The following ATRNL1 variants were observed in gnomAD, a reference collection of about 807,000 sequenced individuals.
The protein encoded by ATRNL1 is attractin-like protein 1.
ATRNL1 carries 95 observed loss-of-function variants against 182.7 expected under a neutral mutation model. The ratio of observed to expected loss-of-function variants is 0.52; its 90% confidence interval spans 0.44 to 0.62. The LOEUF (loss-of-function observed/expected upper bound fraction) is 0.62. Ranked by LOEUF, ATRNL1 falls within the 20% of genes least tolerant of loss-of-function variation. The probability of loss-of-function intolerance (pLI) is 0.00; values close to 1 mark genes in which losing one functional copy is unlikely to be tolerated. For synonymous variants in ATRNL1, 576 were observed against 568.3 expected, an observed-to-expected ratio of 1.01 and a Z score of -0.19; for missense variants, 1,471 against 1,679.5, an observed-to-expected ratio of 0.88 and a Z score of 2.17.
chr10:115,192,802 C>T (rs951615514), intron 8 of ATRNL1, among the ~76,000 whole-genome samples: 1 of 151,856 alleles, frequency 6.6e-6, no homozygotes, highest in Non-Finnish European at 1.5e-5. Context: ...TAAGTTAATT[C>T]CCAGACATTT....
chr10:115,623,917 G>T (rs552245393), intron 26 of ATRNL1, among the ~76,000 whole-genome samples: 211 of 152,124 alleles, frequency 1.4e-3, no homozygotes, highest in African/African-American at 4.7e-3. Context: ...TAGGTACAGG[G>T]CCTAGGGCTC....
At chr10:115,878,540 A>G (rs1343121519) in intron 28 of ATRNL1, among the ~76,000 whole-genome samples, 1 of 152,188 alleles carries the variant, frequency 6.6e-6, no homozygotes, top group Non-Finnish European at 1.5e-5. Context: ...GGGTAGATTA[A>G]TCTGGGGTAC....
At chr10:115,447,073 A>G (rs1847035960) in intron 21 of ATRNL1, among the ~76,000 whole-genome samples, 1 of 151,872 alleles carries the variant, frequency 6.6e-6, no homozygotes, top group South Asian at 2.1e-4. Context: ...CTATTAACAA[A>G]GTTTTCCAAA....
chr10:115,602,523 C>T (rs750458497), intron 26 of ATRNL1, among the ~76,000 whole-genome samples: 109 of 152,058 alleles, frequency 7.2e-4, no homozygotes, highest in African/African-American at 1.1e-3. Context: ...TAGTGTCAGA[C>T]GCTACAAGGT....
At chr10:115,306,047 T>C (rs1209195625) in intron 17 of ATRNL1, among the ~76,000 whole-genome samples, 1 of 152,218 alleles carries the variant, frequency 6.6e-6, no homozygotes, top group Non-Finnish European at 1.5e-5. Context: ...TTAACAACTT[T>C]CTAAAAATTA....
intron 28 of ATRNL1, among the ~76,000 whole-genome samples, chr10:115,850,868 G>T (rs989592311): frequency 2.0e-5 from 3 of 152,132 alleles, no homozygotes; most frequent in African/African-American, 7.2e-5. Flanking sequence ...CAGGTTGGGG[G>T]AGTTGAGGAG....
At chr10:115,576,720 C>T (rs781870038) in intron 26 of ATRNL1, among the ~76,000 whole-genome samples, 3 of 151,980 alleles carry the variant, frequency 2.0e-5, no homozygotes, top group African/African-American at 2.4e-5. Context: ...TTTTGCTATG[C>T]GGAAGTAACT....
intron 19 of ATRNL1, among the ~76,000 whole-genome samples, chr10:115,357,897 C>G (rs573347998): frequency 6.6e-5 from 10 of 151,566 alleles, no homozygotes; most frequent in African/African-American, 2.2e-4. Context: ...AATATATTCT[C>G]TCTCCATCCC....
chr10:115,635,318 T>TAA (rs200735973), intron 26 of ATRNL1, among the ~76,000 whole-genome samples: 5 of 128,170 alleles, frequency 3.9e-5, no homozygotes, highest in Admixed American at 7.9e-5. Context: ...GGAAAAGTGG[T>TAA]AAAAAAAAAA....
chr10:115,696,885 G>GAA (rs1248202998), intron 26 of ATRNL1, among the ~76,000 whole-genome samples: 1 of 150,606 alleles, frequency 6.6e-6, no homozygotes, highest in Non-Finnish European at 1.5e-5. Context: ...GAGAGAGAGA[G>GAA]AGAGAGAGAG....
Position 115,527,970 on chromosome 10 carries a change from CTCCT to C in ATRNL1, c.3716+8650_3716+8653del, listed in dbSNP as rs1554987098. On this transcript the variant is annotated intron_variant, in intron 25 of 28. Transcript: ENST00000355044. Reference sequence around the variant, plus strand: ...CTTCCTTCTTTCCTTCCCTCCCTCCCTCCTTCCCTCCCTCCCTCCCTCCCTCCCT... The same window carrying C: ...CTTCCTTCTTTCCTTCCCTCCCTCCCTCCCTCCCTCCCTCCCTCCCTCCCT... Among the ~76,000 whole-genome samples, 59 of 64,900 alleles carry C rather than the reference CTCCT, an allele frequency of 9.1e-4. 1 individual carries two copies. Among genetic ancestry groups the C allele is most frequent in the Non-Finnish European group, 1.4e-3 (52 of 35,882 alleles). 42.6% of individuals were successfully genotyped at this position (64,900 alleles called of 152,430 possible).
chr10:115,417,499 G>A (rs1232380295), intron 20 of ATRNL1, among the ~76,000 whole-genome samples: 1 of 152,160 alleles, frequency 6.6e-6, no homozygotes, highest in African/African-American at 2.4e-5. Context: ...TCCCCCCACT[G>A]TAGTCAGGTA....
chr10:115,634,206 T>G (rs2133838674), intron 26 of ATRNL1, among the ~76,000 whole-genome samples: 1 of 152,268 alleles, frequency 6.6e-6, no homozygotes, highest in African/African-American at 2.4e-5. Context: ...TCTACCGTGG[T>G]TATTATGCAC....
chr10:115,169,017 CTTTTTTT>C (rs71010011), intron 7 of ATRNL1, among the ~76,000 whole-genome samples: 2 of 104,254 alleles, frequency 1.9e-5, no homozygotes, highest in South Asian at 6.3e-4. Flanking sequence ...GGTGCAAGTT[CTTTTTTT>C]TTTTTTTTTG....
intron 18 of ATRNL1, among the ~76,000 whole-genome samples, chr10:115,326,465 T>C (rs1254947018): frequency 6.6e-6 from 1 of 152,138 alleles, no homozygotes; most frequent in Non-Finnish European, 1.5e-5. Flanking sequence ...CATTCCATGC[T>C]CATGGGTAGG....
chr10:115,124,783 C>T (rs1844893324), intron 3 of ATRNL1, among the ~76,000 whole-genome samples: 1 of 152,070 alleles, frequency 6.6e-6, no homozygotes, highest in Non-Finnish European at 1.5e-5. Context: ...TCCCATCACT[C>T]AGGAAATTTC....
intron 21 of ATRNL1, among the ~76,000 whole-genome samples, chr10:115,443,986 TA>T (rs1846833856): frequency 6.6e-6 from 1 of 152,146 alleles, no homozygotes; most frequent in Non-Finnish European, 1.5e-5. Context: ...AATAAAAAAT[TA>T]AACATACCTC....
At chr10:115,802,051 A>ACAAC (rs1412039169) in intron 27 of ATRNL1, among the ~76,000 whole-genome samples, 1 of 11,218 alleles carries the variant, frequency 8.9e-5, no homozygotes, top group Non-Finnish European at 1.9e-4. Flanking sequence ...CACACAAAAC[A>ACAAC]AAAAAAAACA....
chr10:115,337,343 A>G (rs2134083219), intron 19 of ATRNL1, among the ~76,000 whole-genome samples: 1 of 152,286 alleles, frequency 6.6e-6, no homozygotes, highest in South Asian at 2.1e-4. Flanking sequence ...GAATCTAATT[A>G]CACTCTTTAA....
Sources: allele counts gnomAD v4.1 joint callset (sites outside exome capture counted in the v4.1 genomes callset), GRCh38; gene constraint gnomAD v4.1.1; transcripts MANE v1.5; gene names NCBI Gene and HGNC (gene_info 2026-07-23, HGNC 2026-07-21).